The following BCL11B variants were observed in gnomAD, a reference collection of about 807,000 sequenced individuals.
BCL11B encodes B-cell lymphoma/leukemia 11B.
BCL11B carries 8 observed loss-of-function variants against 49.9 expected under a neutral mutation model. The observed-to-expected ratio is 0.16, with a 90% CI of 0.09 to 0.29. The LOEUF is 0.29. Ranked by LOEUF, BCL11B falls within the 10% of genes least tolerant of loss-of-function variation. BCL11B has a pLI of 1.00. For missense variants in BCL11B, 1,006 were observed against 1,351.0 expected (o/e 0.74, Z 4.00); for synonymous variants, 739 against 637.4 (o/e 1.16, Z -2.40).
intron 2 of BCL11B, among the ~76,000 whole-genome samples, chr14:99,235,380 G>A (rs1404166172): frequency 2.6e-5 from 4 of 152,160 alleles, no homozygotes; most frequent in African/African-American, 9.7e-5. Context: ...GTGTGAGTGA[G>A]GGACACTGGC....
intron 2 of BCL11B, among the ~76,000 whole-genome samples, chr14:99,254,750 T>C (rs1889109646): frequency 6.6e-6 from 1 of 152,168 alleles, no homozygotes; most frequent in Non-Finnish European, 1.5e-5. Context: ...GCCAGGAGCG[T>C]GGGCAGCAGC....
In BCL11B at chr14:99,247,154, T is replaced by C. The variant is rs1474170688; in HGVS notation, c.427+10317A>G. 1.3e-5 allele frequency among the ~76,000 whole-genome samples: 2 copies of C among 152,110 alleles called. No individual in the cohort carries two copies. The highest frequency in any genetic ancestry group is 4.8e-5 in the African/African-American group (2 of 41,410). On this transcript the variant is annotated intron_variant, in intron 2 of 3. Transcript: ENST00000357195. This position sits in a 1 kb window ranked among gnomAD's most constrained non-coding sequence, Gnocchi z 4.5. ...CGTCTGTTTCTGGAAATGACTTCTT[T>C]CTCTCTTTCCCCTTCTCCCCAAAGC...
Position 99,173,233 on chromosome 14 carries a change from G to T in BCL11B, c.*918C>A. 4.4e-6 allele frequency: 1 copy of T among 227,016 alleles called. No homozygotes were observed. Among genetic ancestry groups the T allele is most frequent in the Non-Finnish European group, 8.8e-6 (1 of 114,154 alleles). 14.1% of individuals were successfully genotyped at this position (227,016 alleles called of 1,614,324 possible). ...TATGTAGCCTAATCTACAGCGAATAGCAGCCATGGCACCCCAGGGCACACC... is the reference window on the plus strand; with the variant it reads ...TATGTAGCCTAATCTACAGCGAATATCAGCCATGGCACCCCAGGGCACACC... On this transcript the variant is annotated 3_prime_UTR_variant, in exon 4 of 4. Coordinates refer to ENST00000357195, the MANE Select transcript of BCL11B (RefSeq NM_138576.4).
intron 3 of BCL11B, among the ~76,000 whole-genome samples, chr14:99,217,897 G>C (rs1887898929): frequency 6.6e-6 from 1 of 152,128 alleles, no homozygotes; most frequent in African/African-American, 2.4e-5. Context: ...CTGAAAACAT[G>C]CACCATGTCT....
intron 3 of BCL11B, among the ~76,000 whole-genome samples, chr14:99,179,108 G>C (rs1427699346): frequency 6.6e-6 from 1 of 152,176 alleles, no homozygotes; most frequent in African/African-American, 2.4e-5. Flanking sequence ...CAACTCAAAA[G>C]GGCAGTTACT....
At position 99,184,837 on chromosome 14, in the gene BCL11B, G is replaced by C. The variant is rs1295632848; in HGVS notation, c.641-8642C>G. The stretch of plus-strand genomic sequence containing the variant: ...GCTCACCCCATAGTGTTGGGTGACC[G>C]TCCACTTACCCTCATGGGACCCCTG... On this transcript the variant is annotated intron_variant, in intron 3 of 3. Transcript: ENST00000357195. The surrounding 1 kb of genome is among the most constrained non-coding windows in gnomAD (Gnocchi z 6.1). Among the ~76,000 whole-genome samples, 2 of 152,162 alleles carry C rather than the reference G, an allele frequency of 1.3e-5. No individual in the cohort carries two copies. Among genetic ancestry groups the C allele is most frequent in the African/African-American group, 4.8e-5 (2 of 41,436 alleles).
chr14:99,222,470 G>A (rs550911892), intron 3 of BCL11B, among the ~76,000 whole-genome samples: 13 of 152,302 alleles, frequency 8.5e-5, no homozygotes, highest in Middle Eastern at 3.4e-3. Flanking sequence ...GAGCCTGGTC[G>A]AGGAAATCGA....
At chr14:99,209,333 C>A (rs1030039834) in intron 3 of BCL11B, among the ~76,000 whole-genome samples, 42 of 152,122 alleles carry the variant, frequency 2.8e-4, no homozygotes, top group African/African-American at 9.7e-4. Context: ...TATGAAAACA[C>A]TCGGCCTCCA....
chr14:99,178,884 C>A (rs1200232894), intron 3 of BCL11B, among the ~76,000 whole-genome samples: 1 of 152,178 alleles, frequency 6.6e-6, no homozygotes, highest in Non-Finnish European at 1.5e-5. Context: ...AGTCAGGCCA[C>A]CTCCCTTCCC....
Position 99,257,979 on chromosome 14 carries a change from C to T in BCL11B, c.59-140G>A, listed in dbSNP as rs1267936338. ...GCTGGCTGCCAGAGCTCACCAGGTC[C>T]TCCCCGGGGTTGGGGGCTGGTGAGC... is the stretch of plus-strand genomic sequence containing the variant. On this transcript the variant is annotated intron_variant, in intron 1 of 3. Transcript: ENST00000357195. This position sits in a 1 kb window ranked among gnomAD's most constrained non-coding sequence, Gnocchi z 6.2. 1 of 1,102,282 alleles carries T rather than the reference C, an allele frequency of 9.1e-7. No homozygotes were observed. Among genetic ancestry groups the T allele is most frequent in the Non-Finnish European group, 1.2e-6 (1 of 825,354 alleles). The allele number at this position is 1,102,282 out of a possible 1,614,324, so 68.3% of individuals were successfully genotyped here.
chr14:99,202,598 T>C (rs1483564883), intron 3 of BCL11B, among the ~76,000 whole-genome samples: 1 of 151,882 alleles, frequency 6.6e-6, no homozygotes, highest in African/African-American at 2.4e-5. Flanking sequence ...TGAGGACTCA[T>C]GGGGATGGGA....
intron 2 of BCL11B, among the ~76,000 whole-genome samples, chr14:99,233,314 A>T (rs1439041411): frequency 6.6e-6 from 1 of 152,126 alleles, no homozygotes. Flanking sequence ...ACTGGGGGAA[A>T]ACTGAGGCTT....
intron 1 of BCL11B, among the ~76,000 whole-genome samples, chr14:99,265,670 G>C (rs767489209): frequency 3.3e-5 from 5 of 152,190 alleles, no homozygotes; most frequent in Admixed American, 6.5e-5. Flanking sequence ...GGTCCAGTGA[G>C]CTCGCTGCCA....
intron 2 of BCL11B, among the ~76,000 whole-genome samples, chr14:99,244,295 C>A (rs188314826): frequency 2.0e-5 from 3 of 151,818 alleles, no homozygotes; most frequent in South Asian, 4.2e-4. Context: ...AACAATTACC[C>A]CCCCCTCACA....
chr14:99,235,486 T>G (rs77078668), intron 2 of BCL11B, among the ~76,000 whole-genome samples: 1 of 152,192 alleles, frequency 6.6e-6, no homozygotes, highest in East Asian at 1.9e-4. Context: ...GCAAAAAGCA[T>G]GATCAGGAGT....
Position 99,173,953 on chromosome 14 carries a change from A to C in BCL11B, c.*198T>G, listed in dbSNP as rs1393331760. 5.0e-6 allele frequency: 3 copies of C among 598,874 alleles called. No individual in the cohort carries two copies. The African/African-American group carries it at 5.6e-5, about 11-fold the overall frequency. 37.1% of individuals were successfully genotyped at this position (598,874 alleles called of 1,614,324 possible). ...AATTATTGCACAGTTAAAAGGCTCCACAATTTGTACTGCCTTAATCAACCC... is the reference window on the plus strand; with the variant it reads ...AATTATTGCACAGTTAAAAGGCTCCCCAATTTGTACTGCCTTAATCAACCC... On this transcript the variant is annotated 3_prime_UTR_variant, in exon 4 of 4. Coordinates refer to ENST00000357195, the MANE Select transcript of BCL11B (RefSeq NM_138576.4).
intron 3 of BCL11B, among the ~76,000 whole-genome samples, chr14:99,229,966 G>A (rs903452757): frequency 1.3e-5 from 2 of 152,192 alleles, no homozygotes; most frequent in African/African-American, 2.4e-5. Context: ...AAAGGGAGCC[G>A]GCGTCTTTGC....
rs1045682661 is a variant in BCL11B at position 99,205,515 on chromosome 14, G to A, written c.640+25830C>T. Among the ~76,000 whole-genome samples the A allele has an allele frequency of 2.6e-5, 4 of 152,178 alleles. No homozygotes were observed. Among genetic ancestry groups the A allele is most frequent in the Admixed American group, 6.5e-5 (1 of 15,282 alleles). On this transcript the variant is annotated intron_variant, in intron 3 of 3. Transcript: ENST00000357195. The surrounding 1 kb of genome is among the most constrained non-coding windows in gnomAD (Gnocchi z 5.0). ...CATGCCAGGAAAGGGGAGGAGCGAC[G>A]TGAGGACCTCCTGTGTCACCCTGTC... is the stretch of plus-strand genomic sequence containing the variant.
At chr14:99,250,830 G>A (rs1054302045) in intron 2 of BCL11B, among the ~76,000 whole-genome samples, 9 of 149,444 alleles carry the variant, frequency 6.0e-5, no homozygotes, top group Admixed American at 6.7e-5. Flanking sequence ...ATGGAACTAC[G>A]TACATAAAAC....
Sources: allele counts gnomAD v4.1 joint callset (sites outside exome capture counted in the v4.1 genomes callset), GRCh38; gene constraint gnomAD v4.1.1; non-coding constraint Gnocchi (gnomAD v3.1); transcripts MANE v1.5; gene names NCBI Gene and HGNC (gene_info 2026-07-23, HGNC 2026-07-21).